SEC14L5: variants seen among roughly 807,000 people sequenced by gnomAD.
The protein encoded by SEC14L5 is SEC14 like lipid binding 5, also known as SEC14-like protein 5.
Under a neutral mutation model 84.6 loss-of-function variants are expected in SEC14L5, and 96 were observed. The observed-to-expected ratio is 1.13, with a 90% CI of 0.96 to 1.34. The LOEUF is 1.34. Among genes scored for constraint, SEC14L5 ranks in the 40% most tolerant of loss-of-function variants. The pLI, the probability that SEC14L5 is intolerant of heterozygous loss-of-function variation, is 0.00. For missense variants in SEC14L5, 1,224 were observed against 942.5 expected (o/e 1.30, Z -3.91); for synonymous variants, 546 against 383.4 (o/e 1.42, Z -4.95).
intron 7 of SEC14L5, 127 bp from the exon 8 acceptor site, chr16:4,996,728 C>A: frequency 1.4e-6 from 1 of 740,618 alleles, no homozygotes; most frequent in Non-Finnish European, 2.2e-6. Context: ...CACACCACCA[C>A]GCCTGGCTAA....
intron 2 of SEC14L5, among the ~76,000 whole-genome samples, chr16:4,961,281 C>T (rs1424703537): frequency 6.7e-6 from 1 of 148,310 alleles, no homozygotes; most frequent in Non-Finnish European, 1.5e-5. Flanking sequence ...TCAACAACAA[C>T]AACAGCAACA....
chr16:4,980,499 G>C (rs913382531), intron 2 of SEC14L5, among the ~76,000 whole-genome samples: 1 of 152,162 alleles, frequency 6.6e-6, no homozygotes, highest in Non-Finnish European at 1.5e-5. Context: ...TGCGTGTGCT[G>C]AGTCTGTGGC....
chr16:4,970,336 G>T (rs1013925940), intron 2 of SEC14L5, among the ~76,000 whole-genome samples: 6 of 152,120 alleles, frequency 3.9e-5, no homozygotes, highest in Admixed American at 6.6e-5. Context: ...GGGATGTTAA[G>T]CAGGGTTTAG....
intron 6 of SEC14L5, among the ~76,000 whole-genome samples, chr16:4,995,610 TTCTC>T (rs969613056): frequency 9.6e-5 from 14 of 146,514 alleles, no homozygotes; most frequent in South Asian, 4.3e-4. Flanking sequence ...CAGTTTTATC[TTCTC>T]TCTCTCTCTC....
At chr16:4,973,356 C>G (rs1368329884) in intron 2 of SEC14L5, among the ~76,000 whole-genome samples, 2 of 140,744 alleles carry the variant, frequency 1.4e-5, no homozygotes, top group African/African-American at 5.2e-5. Flanking sequence ...CCAGGGCCAT[C>G]TGGGTACAGC....
chr16:5,007,594 C>T, intron 13 of SEC14L5, 108 bp downstream of exon 13: 10 of 787,442 alleles, frequency 1.3e-5, no homozygotes, highest in Admixed American at 3.1e-5. Context: ...TCTTTTCTTT[C>T]TTTCTTTCTT....
At chr16:4,987,264 A>G (rs1015379148) in intron 2 of SEC14L5, among the ~76,000 whole-genome samples, 14 of 150,310 alleles carry the variant, frequency 9.3e-5, no homozygotes, top group African/African-American at 3.2e-4. Flanking sequence ...CCTGAGAAAT[A>G]CCTTATTTTA....
intron 15 of SEC14L5, among the ~76,000 whole-genome samples, chr16:5,014,454 G>T (rs113628671): frequency 2.0e-5 from 3 of 152,228 alleles, no homozygotes; most frequent in Non-Finnish European, 2.9e-5. Context: ...CCAGACAGCT[G>T]GGGGAGGAGA....
chr16:5,005,812 C>G (rs558718635), intron 11 of SEC14L5, 102 bp from the exon 12 acceptor site: 6 of 1,185,566 alleles, frequency 5.1e-6, no homozygotes, highest in African/African-American at 5.0e-5. Context: ...TGCAGTGAGC[C>G]AAGATCATGC....
intron 2 of SEC14L5, among the ~76,000 whole-genome samples, chr16:4,974,985 C>T (rs1001083719): frequency 6.6e-6 from 1 of 151,924 alleles, no homozygotes; most frequent in Non-Finnish European, 1.5e-5. Context: ...ACCATGTTGG[C>T]CAGGCTGGTC....
intron 14 of SEC14L5, 55 bp from the exon 15 acceptor site, chr16:5,011,040 C>G: frequency 6.6e-7 from 1 of 1,522,504 alleles, no homozygotes; most frequent in South Asian, 1.2e-5. Flanking sequence ...GCTCAGCCTC[C>G]TTGACCTGTC....
intron 2 of SEC14L5, among the ~76,000 whole-genome samples, chr16:4,973,266 A>G (rs914415656): frequency 1.3e-5 from 2 of 152,192 alleles, no homozygotes; most frequent in African/African-American, 4.8e-5. Context: ...CCCTGGCTGC[A>G]GACGCTGTTC....
chr16:5,014,617 A>G (rs1955849597), intron 15 of SEC14L5, among the ~76,000 whole-genome samples: 1 of 152,250 alleles, frequency 6.6e-6, no homozygotes, highest in Non-Finnish European at 1.5e-5. Context: ...GGGCCATGCA[A>G]GGGCCTCAGG....
chr16:5,003,668 A>G, intron 11 of SEC14L5, 95 bp downstream of exon 11: 1 of 836,282 alleles, frequency 1.2e-6, no homozygotes, highest in Non-Finnish European at 1.8e-6. Context: ...TTCCTGTTTC[A>G]TTTCATTTAG....
intron 2 of SEC14L5, among the ~76,000 whole-genome samples, chr16:4,959,910 A>C (rs1425129550): frequency 6.6e-6 from 1 of 152,164 alleles, no homozygotes; most frequent in African/African-American, 2.4e-5. Context: ...AGATCCCCAC[A>C]AAGGAGACTC....
chr16:4,970,359 C>A (rs1226397594), intron 2 of SEC14L5, among the ~76,000 whole-genome samples: 1 of 151,984 alleles, frequency 6.6e-6, no homozygotes, highest in Non-Finnish European at 1.5e-5. Flanking sequence ...TATGCAAAGG[C>A]CAATGGGGCA....
At chr16:5,007,553 C>T (rs1955745697) in intron 13 of SEC14L5, 67 bp downstream of exon 13, 1 of 1,329,296 alleles carries the variant, frequency 7.5e-7, no homozygotes, top group Non-Finnish European at 1.1e-6. Context: ...CAGGTGACCC[C>T]AAAACACAGC....
Position 5,003,424 on chromosome 16 carries a change from C to T in SEC14L5, c.1153C>T (p.Leu385=), listed in dbSNP as rs764677667. Residue 385 remains leucine (L), a synonymous_variant, in exon 11 of 16, where the codon CTG becomes TTG. Transcript: ENST00000251170. The stretch of plus-strand genomic sequence containing the variant: ...CAGCTCCTGGACCTGCCTGCTAGAC[C>T]TGGAGGGACTCAACATGCGGCACCT... ...PISSWTCLLD[L]EGLNMRHLWR... 3.1e-6 allele frequency: 5 copies of T among 1,613,212 alleles called. No individual in the cohort carries two copies. Among genetic ancestry groups the T allele is most frequent in the East Asian group, 2.2e-5 (1 of 44,886 alleles).
chr16:4,998,093 C>A (rs1047206124), intron 8 of SEC14L5, among the ~76,000 whole-genome samples: 11 of 151,420 alleles, frequency 7.3e-5, no homozygotes, highest in African/African-American at 2.2e-4. Context: ...AACTCCGCCC[C>A]CCGCCAGGTT....
Sources: allele counts gnomAD v4.1 joint callset (sites outside exome capture counted in the v4.1 genomes callset), GRCh38; gene constraint gnomAD v4.1.1; transcripts MANE v1.5; gene names NCBI Gene and HGNC (gene_info 2026-07-23, HGNC 2026-07-21).